SORBS2: variants seen among roughly 807,000 people sequenced by gnomAD.
SORBS2 encodes sorbin and SH3 domain-containing protein 2.
Under a neutral mutation model 97.7 loss-of-function variants are expected in SORBS2, and 46 were observed. The ratio of observed to expected loss-of-function variants is 0.47; its 90% CI spans 0.37 to 0.60. The LOEUF is 0.60. Ranked by LOEUF, SORBS2 falls within the 20% of genes least tolerant of loss-of-function variation. The pLI is 0.00. For missense variants in SORBS2, 1,316 were observed against 1,282.3 expected, an observed-to-expected ratio of 1.03 and a Z score of -0.40; for synonymous variants, 476 against 473.4, an observed-to-expected ratio of 1.01 and a Z score of -0.07.
chr4:185,667,328 A>G (rs1220678394), intron 4 of SORBS2, among the ~76,000 whole-genome samples: 2 of 152,238 alleles, frequency 1.3e-5, no homozygotes, highest in Non-Finnish European at 2.9e-5. Context: ...TTTGGCAGCC[A>G]TAATTTTCAT....
At chr4:185,629,095 A>G (rs2096864164) in intron 5 of SORBS2, among the ~76,000 whole-genome samples, 1 of 152,204 alleles carries the variant, frequency 6.6e-6, no homozygotes, top group African/African-American at 2.4e-5. Context: ...CCGATGAGGT[A>G]TATGCTGTTA....
intron 4 of SORBS2, chr4:185,638,905 G>T: frequency 6.7e-7 from 1 of 1,485,966 alleles, no homozygotes; most frequent in East Asian, 2.8e-5. Flanking sequence ...CGGGGCGCGC[G>T]AGCTTGGTGT....
At chr4:185,872,452 C>T (rs1008686091) in intron 1 of SORBS2, among the ~76,000 whole-genome samples, 13 of 152,162 alleles carry the variant, frequency 8.5e-5, no homozygotes, top group African/African-American at 2.4e-4. Flanking sequence ...ACAAGATGCA[C>T]GTGCCAACAT....
intron 1 of SORBS2, among the ~76,000 whole-genome samples, chr4:185,861,959 C>T (rs1337722265): frequency 2.6e-5 from 4 of 152,120 alleles, no homozygotes; most frequent in Admixed American, 6.5e-5. Flanking sequence ...TAGGGGGCAA[C>T]TGGAAGCTGG....
At chr4:185,596,825 G>T (rs968918391) in intron 12 of SORBS2, among the ~76,000 whole-genome samples, 1 of 151,792 alleles carries the variant, frequency 6.6e-6, no homozygotes, top group Non-Finnish European at 1.5e-5. Context: ...GAGTCACTGC[G>T]CCCGGCCCCC....
In SORBS2 at chr4:185,735,358, A is replaced by G. The variant is rs74513227; in HGVS notation, c.-198+39869T>C. 2.5e-4 allele frequency among the ~76,000 whole-genome samples: 37 copies of G among 149,146 alleles called. No homozygotes were observed. In the East Asian group the frequency reaches 6.6e-3, roughly 27 times the overall value. ...AGGACATCCTAGGAGATTCGCTTCC[A>G]TTGAATCAGAGTAAACTATTTTTTT... is the stretch of plus-strand genomic sequence containing the variant. On this transcript the variant is annotated intron_variant, in intron 2 of 20. Transcript: ENST00000284776.
exon 15 of SORBS2, chr4:185,585,574 C>A (rs1319527753): frequency 2.0e-5 from 3 of 152,106 alleles, no homozygotes; most frequent in Non-Finnish European, 2.9e-5. Context: ...AACACAATGA[C>A]CTTTGCTTGT....
At chr4:185,713,523 G>A (rs1289207013) in intron 2 of SORBS2, among the ~76,000 whole-genome samples, 1 of 152,172 alleles carries the variant, frequency 6.6e-6, no homozygotes, top group East Asian at 1.9e-4. Context: ...CTATAAGGAC[G>A]TTCAGTCCAC....
intron 1 of SORBS2, among the ~76,000 whole-genome samples, chr4:185,931,817 A>ACACACACG (rs2099266582): frequency 6.6e-6 from 1 of 151,772 alleles, no homozygotes; most frequent in Admixed American, 6.6e-5. Context: ...AGACAGACAC[A>ACACACACG]CACACATGCA....
At chr4:185,752,308 C>T (rs560865769) in intron 2 of SORBS2, among the ~76,000 whole-genome samples, 1 of 152,250 alleles carries the variant, frequency 6.6e-6, no homozygotes, top group African/African-American at 2.4e-5. Context: ...CAGAGTCTCG[C>T]TCTGTCGCCC....
At position 185,924,373 on chromosome 4, in the gene SORBS2, A is replaced by G. The variant is rs951106043; in HGVS notation, c.-338+31823T>C. ...TCGTTATAGGAGTTAATAAGAAATTATTTTAGGCAGATACGAAAAAGGGTC... is the reference window on the plus strand; with the variant it reads ...TCGTTATAGGAGTTAATAAGAAATTGTTTTAGGCAGATACGAAAAAGGGTC... On this transcript the variant is annotated intron_variant, in intron 1 of 20. Transcript: ENST00000284776. 5.4e-5 allele frequency among the ~76,000 whole-genome samples: 8 copies of G among 149,322 alleles called. No homozygotes were observed. In the Admixed American group the frequency reaches 5.4e-4, roughly 10 times the overall value.
At chr4:185,677,321 T>G in intron 4 of SORBS2, 2 of 1,552,344 alleles carry the variant, frequency 1.3e-6, no homozygotes, top group East Asian at 4.9e-5. Context: ...TTTGAGAATC[T>G]TGCCTGTAGT....
At chr4:185,902,250 T>G (rs921673969) in intron 1 of SORBS2, among the ~76,000 whole-genome samples, 12 of 152,194 alleles carry the variant, frequency 7.9e-5, no homozygotes, top group Non-Finnish European at 1.6e-4. Flanking sequence ...TGAGTCCTAC[T>G]TTTAATACTT....
At chr4:185,622,344 A>G (rs2096731934) in intron 7 of SORBS2, among the ~76,000 whole-genome samples, 1 of 152,258 alleles carries the variant, frequency 6.6e-6, no homozygotes, top group South Asian at 2.1e-4. Flanking sequence ...GCTTAAAGAT[A>G]CATTCACAAA....
intron 1 of SORBS2, among the ~76,000 whole-genome samples, chr4:185,812,462 C>CT (rs1479001626): frequency 6.6e-6 from 1 of 152,190 alleles, no homozygotes; most frequent in Non-Finnish European, 1.5e-5. Context: ...CTGAAGAACT[C>CT]TTTTTTATAT....
chr4:185,809,887 T>C, intron 1 of SORBS2, among the ~76,000 whole-genome samples: 1 of 152,094 alleles, frequency 6.6e-6, no homozygotes, highest in Non-Finnish European at 1.5e-5. Flanking sequence ...CCAAGAAAAA[T>C]TAATAGGAAA....
At chr4:185,768,515 C>T (rs1039380081) in intron 2 of SORBS2, among the ~76,000 whole-genome samples, 5 of 151,982 alleles carry the variant, frequency 3.3e-5, no homozygotes, top group African/African-American at 1.2e-4. Flanking sequence ...GCCTGGGCAA[C>T]ATGGCAAAAC....
intron 2 of SORBS2, among the ~76,000 whole-genome samples, chr4:185,767,438 T>TGCA (rs1236051839): frequency 1.5e-5 from 2 of 136,146 alleles, no homozygotes; most frequent in Non-Finnish European, 3.1e-5. Flanking sequence ...AGGCGGAGCT[T>TGCA]GCAGTGAGCC....
intron 2 of SORBS2, among the ~76,000 whole-genome samples, chr4:185,753,944 T>C (rs570185044): frequency 1.3e-5 from 2 of 152,332 alleles, no homozygotes; most frequent in Admixed American, 6.5e-5. Context: ...AATCCCATTA[T>C]TGGGTCTATA....
Sources: allele counts gnomAD v4.1 joint callset (sites outside exome capture counted in the v4.1 genomes callset), GRCh38; gene constraint gnomAD v4.1.1; transcripts MANE v1.5; gene names NCBI Gene and HGNC (gene_info 2026-07-23, HGNC 2026-07-21).